Variants in LRP1B observed in about 807,000 individuals in gnomAD.
LRP1B encodes the protein low-density lipoprotein receptor-related protein 1B.
In LRP1B, 217 loss-of-function variants were observed where a neutral mutation model predicts 556.6. The ratio of observed to expected loss-of-function variants is 0.39; its 90% CI spans 0.35 to 0.44. LRP1B has a LOEUF of 0.44. LRP1B is among the 20% of genes least tolerant of loss of function. The pLI is 1.00. For synonymous variants in LRP1B, 2,047 were observed against 1,865.8 expected (o/e 1.10, Z -2.50); for missense variants, 5,053 against 5,620.8 (o/e 0.90, Z 3.23).
chr2:141,769,300 T>C (rs1694825162), intron 2 of LRP1B, among the ~76,000 whole-genome samples: 1 of 152,210 alleles, frequency 6.6e-6, no homozygotes, highest in South Asian at 2.1e-4. Flanking sequence ...TTCTGCATTA[T>C]TCTGTAATGC....
chr2:141,734,905 C>A (rs1693407750), intron 2 of LRP1B, among the ~76,000 whole-genome samples: 1 of 151,994 alleles, frequency 6.6e-6, no homozygotes, highest in South Asian at 2.1e-4. Flanking sequence ...TAACTTTTGG[C>A]CAGAACTGAA....
intron 2 of LRP1B, among the ~76,000 whole-genome samples, chr2:141,703,886 T>C (rs1227846747): frequency 6.6e-6 from 1 of 151,966 alleles, no homozygotes; most frequent in Non-Finnish European, 1.5e-5. Flanking sequence ...ACCATACTGA[T>C]ATACTGTGAT....
chr2:142,024,292 A>T (rs930381519), intron 1 of LRP1B, among the ~76,000 whole-genome samples: 1 of 152,204 alleles, frequency 6.6e-6, no homozygotes, highest in Non-Finnish European at 1.5e-5. Flanking sequence ...CTTTTTCAGC[A>T]AAGCTTCACG....
chr2:140,817,813 A>T (rs779680187), intron 31 of LRP1B, among the ~76,000 whole-genome samples: 72 of 65,624 alleles, frequency 1.1e-3, no homozygotes, highest in Non-Finnish European at 3.1e-3. Flanking sequence ...AATTTAAAAA[A>T]TTAAGAATTA....
In LRP1B at chr2:140,321,559, G is replaced by A. The variant is rs377465848; in HGVS notation, c.12640+404C>T. On this transcript the variant is annotated intron_variant, in intron 82 of 90. Transcript: ENST00000389484. ...TTCTAAATTAATTCTCAATTTCTAAGTTAGTGTTTGGCACACAAGAGGTAA... is the reference window on the plus strand; with the variant it reads ...TTCTAAATTAATTCTCAATTTCTAAATTAGTGTTTGGCACACAAGAGGTAA... Among the ~76,000 whole-genome samples the A allele has an allele frequency of 1.7e-3, 252 of 152,068 alleles. 1 individual carries two copies. The highest frequency in any genetic ancestry group is 2.7e-3 in the Non-Finnish European group (183 of 67,974).
chr2:141,211,702 A>C (rs2105253584), intron 6 of LRP1B, among the ~76,000 whole-genome samples: 1 of 152,330 alleles, frequency 6.6e-6, no homozygotes, highest in Admixed American at 6.5e-5. Context: ...AGGTTACTTC[A>C]AAATAAATTC....
chr2:140,379,525 T>C (rs12993034), intron 67 of LRP1B, among the ~76,000 whole-genome samples: 13,334 of 152,028 alleles, frequency 0.088, 681 homozygotes, highest in Middle Eastern at 0.14. Context: ...CAAAAACCCG[T>C]CTCTACTAAA....
intron 31 of LRP1B, among the ~76,000 whole-genome samples, chr2:140,838,326 C>A (rs1277201204): frequency 6.6e-6 from 1 of 152,018 alleles, no homozygotes; most frequent in East Asian, 1.9e-4. Context: ...TTGTAGAACC[C>A]CTTGTTTCTT....
intron 3 of LRP1B, among the ~76,000 whole-genome samples, chr2:141,464,569 C>A (rs1484790786): frequency 7.5e-6 from 1 of 132,950 alleles, no homozygotes; most frequent in South Asian, 2.5e-4. Context: ...CCCGCCACCA[C>A]GCCTGGCTAA....
At chr2:141,796,814 G>A (rs969436464) in intron 2 of LRP1B, among the ~76,000 whole-genome samples, 3 of 151,478 alleles carry the variant, frequency 2.0e-5, no homozygotes, top group Non-Finnish European at 4.4e-5. Context: ...ACCATCTTTG[G>A]GAGGAATTTT....
intron 2 of LRP1B, among the ~76,000 whole-genome samples, chr2:141,753,328 T>C (rs549659603): frequency 7.9e-5 from 11 of 138,484 alleles, no homozygotes; most frequent in African/African-American, 1.9e-4. Context: ...ATCACAGCCA[T>C]AGACGTTTTA....
chr2:140,417,023 G>T (rs577312810), intron 66 of LRP1B, among the ~76,000 whole-genome samples: 1 of 152,128 alleles, frequency 6.6e-6, no homozygotes, highest in African/African-American at 2.4e-5. Flanking sequence ...GAAAATACTC[G>T]CTTTGTATAA....
chr2:141,479,038 C>T (rs1180531012), intron 3 of LRP1B, among the ~76,000 whole-genome samples: 2 of 152,160 alleles, frequency 1.3e-5, no homozygotes, highest in Non-Finnish European at 2.9e-5. Flanking sequence ...TTCTGAAGAT[C>T]TTTAAATTCC....
chr2:141,522,513 T>G (rs1024321896), intron 2 of LRP1B, among the ~76,000 whole-genome samples: 15 of 152,122 alleles, frequency 9.9e-5, no homozygotes, highest in Non-Finnish European at 2.1e-4. Context: ...GAAGATCAGA[T>G]CGTATCTATA....
intron 1 of LRP1B, among the ~76,000 whole-genome samples, chr2:141,867,514 C>T (rs1415168865): frequency 2.0e-5 from 3 of 151,972 alleles, no homozygotes; most frequent in South Asian, 2.1e-4. Flanking sequence ...CTTACAAGTC[C>T]GAGAGGACTA....
At chr2:140,490,173 C>T (rs574829799) in intron 57 of LRP1B, among the ~76,000 whole-genome samples, 21 of 152,034 alleles carry the variant, frequency 1.4e-4, no homozygotes, top group African/African-American at 3.1e-4. Context: ...CTCTTTGGTT[C>T]GAGATGATTA....
chr2:140,450,497 G>T, intron 63 of LRP1B, 71 bp downstream of exon 63: 2 of 1,143,220 alleles, frequency 1.7e-6, no homozygotes, highest in East Asian at 2.4e-5. Context: ...TTTAGGTGTA[G>T]ATTCAATTTT....
At chr2:141,140,003 C>T (rs988229412) in intron 7 of LRP1B, among the ~76,000 whole-genome samples, 2 of 151,590 alleles carry the variant, frequency 1.3e-5, no homozygotes, top group Non-Finnish European at 2.9e-5. Flanking sequence ...TGAAATACTA[C>T]TCAGCAAAAA....
chr2:142,016,918 G>GTGTT (rs1326001802), intron 1 of LRP1B, among the ~76,000 whole-genome samples: 35 of 144,084 alleles, frequency 2.4e-4, no homozygotes, highest in African/African-American at 6.3e-4. Flanking sequence ...ATGTATATAT[G>GTGTT]TATATGTATG....
Sources: gnomAD v4.1 joint callset for allele counts (sites outside exome capture counted in the v4.1 genomes callset) on GRCh38, gnomAD v4.1.1 for gene constraint, MANE v1.5 for transcripts, NCBI Gene and HGNC (gene_info 2026-07-23, HGNC 2026-07-21) for gene names.